ZFHX3: variants seen among roughly 807,000 people sequenced by gnomAD.
ZFHX3 encodes the protein zinc finger homeobox 3, also known as zinc finger homeobox protein 3.
A neutral mutation model predicts 279.1 loss-of-function variants in ZFHX3; 42 were observed. That is an observed-to-expected ratio of 0.15 (90% CI 0.12 to 0.19). ZFHX3 has a LOEUF of 0.19. Among genes scored for constraint, ZFHX3 ranks in the 10% least tolerant of loss-of-function variants. The probability of loss-of-function intolerance (pLI) is 1.00; values close to 1 mark genes in which losing one functional copy is unlikely to be tolerated. For missense variants in ZFHX3, 4,981 were observed against 4,754.0 expected (o/e 1.05, Z -1.40); for synonymous variants, 2,293 against 1,957.8 (o/e 1.17, Z -4.52).
chr16:73,344,866 A>G (rs1281846568), intron 3 of ZFHX3, among the ~76,000 whole-genome samples: 3 of 152,210 alleles, frequency 2.0e-5, no homozygotes, highest in Non-Finnish European at 2.9e-5. Flanking sequence ...TTGACAATAA[A>G]AATGAAAAGT....
At chr16:73,603,905 A>T (rs75387000) in intron 2 of ZFHX3, among the ~76,000 whole-genome samples, 8,076 of 150,974 alleles carry the variant, frequency 0.053, 632 homozygotes, top group African/African-American at 0.17. Context: ...CAGCCTCCCA[A>T]GTAGGTAGGA....
chr16:73,638,368 C>T (rs1009727286), intron 2 of ZFHX3, among the ~76,000 whole-genome samples: 17 of 152,278 alleles, frequency 1.1e-4, no homozygotes, highest in Admixed American at 6.5e-4. Context: ...CGAATGGAAT[C>T]AGCCCAATTA....
intron 4 of ZFHX3, among the ~76,000 whole-genome samples, chr16:72,873,852 A>T (rs1383016563): frequency 2.6e-5 from 4 of 152,186 alleles, no homozygotes; most frequent in Non-Finnish European, 5.9e-5. Flanking sequence ...CAAGAACATT[A>T]TTCTTAATGG....
intron 3 of ZFHX3, among the ~76,000 whole-genome samples, chr16:73,367,930 A>G (rs970196058): frequency 7.0e-6 from 1 of 143,880 alleles, no homozygotes; most frequent in Non-Finnish European, 1.5e-5. Flanking sequence ...GTGCAGTGGC[A>G]TGGTCTCAGC....
intron 3 of ZFHX3, among the ~76,000 whole-genome samples, chr16:73,415,010 C>T (rs1328915419): frequency 1.3e-5 from 2 of 152,176 alleles, no homozygotes; most frequent in African/African-American, 2.4e-5. Flanking sequence ...CTCTCTTTAA[C>T]AAAGACCACT....
rs1272714027 is a variant in ZFHX3, at chr16:73,766,864, T to C, written c.-1607-86624A>G. Among the ~76,000 whole-genome samples the C allele has an allele frequency of 2.6e-5, 4 of 152,136 alleles. No individual in the cohort carries two copies. The East Asian group carries it at 7.7e-4, about 29-fold the overall frequency. On this transcript the variant is annotated intron_variant, in intron 1 of 17. Transcript: ENST00000641206. ...CTTAATTCCAAGCCATTCAAAATCATTATCTCAGAGGACATTTATGGTGTT... is the reference window on the plus strand; with the variant it reads ...CTTAATTCCAAGCCATTCAAAATCACTATCTCAGAGGACATTTATGGTGTT...
intron 2 of ZFHX3, among the ~76,000 whole-genome samples, chr16:73,521,726 T>A (rs1056692026): frequency 6.6e-6 from 1 of 151,942 alleles, no homozygotes; most frequent in Non-Finnish European, 1.5e-5. Context: ...TAATTTTTTA[T>A]ATAGTAGCAT....
At chr16:72,821,646 C>T (rs889638350) in intron 5 of ZFHX3, among the ~76,000 whole-genome samples, 15 of 152,170 alleles carry the variant, frequency 9.9e-5, no homozygotes, top group African/African-American at 3.4e-4. Context: ...TATTTTGTAG[C>T]GCTGGTCACA....
At chr16:72,916,457 A>G (rs2039445497) in intron 3 of ZFHX3, among the ~76,000 whole-genome samples, 1 of 152,250 alleles carries the variant, frequency 6.6e-6, no homozygotes. Context: ...TCTCCTGTCC[A>G]GCGTTTCTAA....
intron 2 of ZFHX3, among the ~76,000 whole-genome samples, chr16:72,951,850 T>C (rs1472101908): frequency 6.6e-6 from 1 of 152,158 alleles, no homozygotes; most frequent in Non-Finnish European, 1.5e-5. Flanking sequence ...ATACCTGAAA[T>C]ATGGGTAGTG....
Position 73,640,753 on chromosome 16 carries a change from C to G in ZFHX3, c.-1547+39427G>C, listed in dbSNP as rs570717530. ...AAAAATCTCCAAAAGAGAGAATAAA[C>G]GAAAACCGAGGTAAACAAATTATCA... On this transcript the variant is annotated intron_variant, in intron 2 of 17. Transcript: ENST00000641206. 2.6e-5 allele frequency among the ~76,000 whole-genome samples: 4 copies of G among 151,994 alleles called. 1 individual carries two copies. Among genetic ancestry groups the G allele is most frequent in the Non-Finnish European group, 4.4e-5 (3 of 67,994 alleles).
intron 2 of ZFHX3, among the ~76,000 whole-genome samples, chr16:73,615,736 C>A (rs933965723): frequency 2.0e-5 from 3 of 152,148 alleles, no homozygotes; most frequent in Non-Finnish European, 4.4e-5. Flanking sequence ...GCTGCTGGGG[C>A]TGAGCACACG....
chr16:73,183,233 G>T (rs1403561665), intron 5 of ZFHX3, among the ~76,000 whole-genome samples: 1 of 152,044 alleles, frequency 6.6e-6, no homozygotes. Context: ...TACCTCTTAG[G>T]TACAATGTTC....
At chr16:73,660,910 G>C (rs546466568) in intron 2 of ZFHX3, among the ~76,000 whole-genome samples, 6 of 143,262 alleles carry the variant, frequency 4.2e-5, no homozygotes, top group African/African-American at 1.6e-4. Flanking sequence ...TTTAATCCTA[G>C]GATCTATCTG....
At chr16:73,500,695 A>G (rs1458899177) in intron 2 of ZFHX3, among the ~76,000 whole-genome samples, 1 of 86,960 alleles carries the variant, frequency 1.1e-5, no homozygotes, top group Non-Finnish European at 2.1e-5. Context: ...AAAATACAAA[A>G]AAAAAAAAAA....
At chr16:73,109,896 T>C (rs1450576080) in intron 7 of ZFHX3, among the ~76,000 whole-genome samples, 1 of 150,658 alleles carries the variant, frequency 6.6e-6, no homozygotes, top group African/African-American at 2.4e-5. Context: ...ACCAAAACTT[T>C]TCATATTAAA....
chr16:72,966,449 A>C (rs894122362), intron 1 of ZFHX3, among the ~76,000 whole-genome samples: 2 of 152,216 alleles, frequency 1.3e-5, no homozygotes, highest in Non-Finnish European at 2.9e-5. Flanking sequence ...ACTTGATGAC[A>C]AACTCAGAGG....
intron 4 of ZFHX3, among the ~76,000 whole-genome samples, chr16:72,863,554 A>AG (rs1443524779): frequency 9.9e-5 from 15 of 151,748 alleles, no homozygotes; most frequent in African/African-American, 3.2e-4. Flanking sequence ...AGAGAGAGAG[A>AG]AAGAAATAGG....
intron 2 of ZFHX3, among the ~76,000 whole-genome samples, chr16:73,655,446 T>C (rs1443546676): frequency 6.6e-6 from 1 of 152,126 alleles, no homozygotes; most frequent in Non-Finnish European, 1.5e-5. Flanking sequence ...GATGCAAAAT[T>C]GACATATGAA....
Sources: gnomAD v4.1 joint callset for allele counts (sites outside exome capture counted in the v4.1 genomes callset) on GRCh38, gnomAD v4.1.1 for gene constraint, MANE v1.5 for transcripts, NCBI Gene and HGNC (gene_info 2026-07-23, HGNC 2026-07-21) for gene names.